CUX1: variants seen among roughly 807,000 people sequenced by gnomAD.
CUX1 encodes cut like homeobox 1.
CUX1 carries 31 observed loss-of-function variants against 158.8 expected under a neutral mutation model. That is an observed-to-expected ratio of 0.20 (90% CI 0.15 to 0.26). The LOEUF (loss-of-function observed/expected upper bound fraction) is 0.26, where lower values mean the gene tolerates loss of function less well. Among genes scored for constraint, CUX1 ranks in the 10% least tolerant of loss-of-function variants. The pLI, the probability that CUX1 is intolerant of heterozygous loss-of-function variation, is 1.00. For synonymous variants in CUX1, 879 were observed against 862.1 expected, an observed-to-expected ratio of 1.02 and a Z score of -0.34; for missense variants, 1,589 against 2,014.6, an observed-to-expected ratio of 0.79 and a Z score of 4.04.
chr7:101,925,386 C>T (rs1360896110), intron 2 of CUX1, among the ~76,000 whole-genome samples: 3 of 152,186 alleles, frequency 2.0e-5, no homozygotes, highest in Non-Finnish European at 4.4e-5. Context: ...GTTGGGATTA[C>T]AGGCATGAGG....
At chr7:102,036,161 C>T (rs6947066) in intron 3 of CUX1, among the ~76,000 whole-genome samples, 34,595 of 151,776 alleles carry the variant, frequency 0.23, 4,398 homozygotes, top group Non-Finnish European at 0.29. Flanking sequence ...AAGACGGTTT[C>T]GCCAGGCTGG....
At chr7:102,227,958 T>TC (rs1554529301) in intron 21 of CUX1, among the ~76,000 whole-genome samples, 2 of 145,574 alleles carry the variant, frequency 1.4e-5, no homozygotes, top group African/African-American at 2.5e-5. Flanking sequence ...TTTCTTTTTT[T>TC]TTTTTTTTTT....
At chr7:101,957,031 G>T (rs1471398375) in intron 2 of CUX1, among the ~76,000 whole-genome samples, 1 of 152,200 alleles carries the variant, frequency 6.6e-6, no homozygotes, top group African/African-American at 2.4e-5. Flanking sequence ...AAACAGGTGG[G>T]AGGGAACAAG....
At chr7:102,039,660 CAAA>C (rs951801289) in intron 3 of CUX1, among the ~76,000 whole-genome samples, 9 of 90,300 alleles carry the variant, frequency 1.0e-4, no homozygotes, top group Admixed American at 4.7e-4. Context: ...GTCTCTATTT[CAAA>C]AAAAAAAAAA....
chr7:102,256,345 T>G lies in CUX1; in HGVS notation c.*7303T>G. On this transcript the variant is annotated 3_prime_UTR_variant, in exon 24 of 24. Coordinates refer to ENST00000292535, the MANE Select transcript of CUX1 (RefSeq NM_181552.4). ...AAAAATTATTTCTATCCTCTTCTAT[T>G]TATTATTAGGTTAATCATTTAAGTA... The G allele has an allele frequency of 7.1e-6, 7 of 984,840 alleles. No homozygotes were observed. Among genetic ancestry groups the G allele is most frequent in the Non-Finnish European group, 8.4e-6 (7 of 829,366 alleles). 61.0% of individuals were successfully genotyped at this position (984,840 alleles called of 1,614,324 possible).
At chr7:101,824,917 G>A (rs566493157) in intron 1 of CUX1, among the ~76,000 whole-genome samples, 8 of 152,196 alleles carry the variant, frequency 5.3e-5, no homozygotes, top group Non-Finnish European at 8.8e-5. Flanking sequence ...TGTGGCTCCC[G>A]TCACCATTTC....
chr7:101,954,938 G>A (rs1187424472), intron 2 of CUX1, among the ~76,000 whole-genome samples: 14 of 152,138 alleles, frequency 9.2e-5, no homozygotes, highest in Non-Finnish European at 1.6e-4. Context: ...TTGGGAAGCC[G>A]AGGCAGGCGA....
intron 1 of CUX1, among the ~76,000 whole-genome samples, chr7:101,877,098 A>C (rs1346313270): frequency 6.6e-6 from 1 of 152,194 alleles, no homozygotes; most frequent in African/African-American, 2.4e-5. Context: ...CTTTGGGTAC[A>C]TTTCATTACA....
At chr7:102,232,661 T>C (rs1799132897) in intron 21 of CUX1, among the ~76,000 whole-genome samples, 1 of 152,140 alleles carries the variant, frequency 6.6e-6, no homozygotes, top group African/African-American at 2.4e-5. Flanking sequence ...GCGGTGGCCC[T>C]CTAAACCAGC....
intron 6 of CUX1, among the ~76,000 whole-genome samples, chr7:102,106,192 A>G (rs1830334428): frequency 7.2e-6 from 1 of 138,760 alleles, no homozygotes; most frequent in African/African-American, 2.7e-5. Flanking sequence ...GGTTCAAGTG[A>G]TTCTCCTGCC....
chr7:102,137,877 A>G (rs1211086520), intron 8 of CUX1, among the ~76,000 whole-genome samples: 2 of 151,994 alleles, frequency 1.3e-5, no homozygotes, highest in Non-Finnish European at 2.9e-5. Flanking sequence ...ACCTTACCTT[A>G]ATTAGCCTTA....
Position 102,081,024 on chromosome 7 carries a change from G to C in CUX1, c.268+10607G>C, listed in dbSNP as rs1827323355. Among the ~76,000 whole-genome samples, 2 of 152,064 alleles carry C rather than the reference G, an allele frequency of 1.3e-5. 1 individual carries two copies. Among genetic ancestry groups the C allele is most frequent in the Admixed American group, 1.3e-4 (2 of 15,260 alleles). On this transcript the variant is annotated intron_variant, in intron 4 of 23. Coordinates refer to ENST00000292535, the MANE Select transcript of CUX1 (RefSeq NM_181552.4). Reference sequence around the variant, plus strand: ...ACATGACCGATACCTTCTGGTTTCTGGCCACTTCGCTACTCCCCATCACAG... The same window carrying C: ...ACATGACCGATACCTTCTGGTTTCTCGCCACTTCGCTACTCCCCATCACAG...
chr7:101,847,240 T>C (rs1018953865), intron 1 of CUX1, among the ~76,000 whole-genome samples: 9 of 152,326 alleles, frequency 5.9e-5, no homozygotes, highest in African/African-American at 2.2e-4. Flanking sequence ...AAACACTTGT[T>C]TGGAAAATTT....
Position 102,053,596 on chromosome 7 carries a change from C to T in CUX1, c.190-16743C>T, listed in dbSNP as rs554663725. Among the ~76,000 whole-genome samples, 15 of 152,278 alleles carry T rather than the reference C, an allele frequency of 9.9e-5. No homozygotes were observed. In the South Asian group the frequency reaches 2.5e-3, roughly 25 times the overall value. ...TACCACCTTTCCAGCCCCACTACCC[C>T]TCCCAGCCTCTGGTAACCATCCTTC... On this transcript the variant is annotated intron_variant, in intron 3 of 23. Transcript: ENST00000292535.
intron 1 of CUX1, among the ~76,000 whole-genome samples, chr7:101,830,523 G>T (rs76823372): frequency 2.6e-3 from 399 of 152,296 alleles, no homozygotes; most frequent in African/African-American, 9.2e-3. Flanking sequence ...TGGGATCATA[G>T]CTCTCTGCAA....
chr7:101,996,573 T>C (rs1208000255), intron 2 of CUX1, among the ~76,000 whole-genome samples: 1 of 151,398 alleles, frequency 6.6e-6, no homozygotes, highest in Non-Finnish European at 1.5e-5. Context: ...AGGGAGAAAA[T>C]GAATTCATGA....
chr7:102,112,242 C>T (rs201495), intron 7 of CUX1, among the ~76,000 whole-genome samples: 49,893 of 100,580 alleles, frequency 0.5, 11,749 homozygotes, highest in African/African-American at 0.7. Context: ...TTCTCTCTCT[C>T]TTTTTTTTTT....
chr7:102,214,557 C>A (rs1359801850), intron 20 of CUX1, among the ~76,000 whole-genome samples: 1 of 152,212 alleles, frequency 6.6e-6, no homozygotes, highest in African/African-American at 2.4e-5. Context: ...TGTCCATGCT[C>A]CTTTGAAACC....
chr7:101,816,388 GCGCCCCCCCGGGCCCCGCGCCGCCGC>G (rs1791781524), upstream of CUX1, among the ~76,000 whole-genome samples: 1 of 143,318 alleles, frequency 7.0e-6, no homozygotes, highest in African/African-American at 2.5e-5. Flanking sequence ...CCCACCCCGG[GCGCCCCCCCGGGCCCCGCGCCGCCGC>G]CGCCGCCAGC....
Sources: allele counts gnomAD v4.1 joint callset (sites outside exome capture counted in the v4.1 genomes callset), GRCh38; gene constraint gnomAD v4.1.1; transcripts MANE v1.5; gene names NCBI Gene and HGNC (gene_info 2026-07-23, HGNC 2026-07-21).